The following RAD52 variants were observed in gnomAD, a reference collection of about 807,000 sequenced individuals.
RAD52 encodes the protein DNA repair protein RAD52 homolog.
RAD52 carries 47 observed loss-of-function variants against 55.5 expected under a neutral mutation model. That is an observed-to-expected ratio of 0.85 (90% CI 0.67 to 1.08). RAD52 has a LOEUF of 1.08. Ranked by LOEUF, RAD52 falls within the 50% of genes least tolerant of loss-of-function variation. The pLI is 0.00. For missense variants in RAD52, 468 were observed against 522.8 expected, an observed-to-expected ratio of 0.90 and a Z score of 1.02; for synonymous variants, 184 against 198.9, an observed-to-expected ratio of 0.92 and a Z score of 0.63.
chr12:975,755 C>CA (rs1329447551), intron 1 of RAD52: 9 of 152,214 alleles, frequency 5.9e-5, no homozygotes, highest in Non-Finnish European at 1.3e-4. Flanking sequence ...TTGAAACAAT[C>CA]AAAGTTTCAA....
chr12:975,288 C>T (rs1277953816), intron 1 of RAD52: 1 of 152,012 alleles, frequency 6.6e-6, no homozygotes, highest in African/African-American at 2.4e-5. Flanking sequence ...TAACATAAAA[C>T]TACAACTGTA....
intron 1 of RAD52, among the ~76,000 whole-genome samples, chr12:948,000 T>G (rs979465581): frequency 8.9e-6 from 1 of 112,902 alleles, no homozygotes; most frequent in African/African-American, 3.4e-5. Context: ...ACTTAAGTTT[T>G]AAATGTCTGT....
At position 913,310 on chromosome 12, in the gene RAD52, G is replaced by T; in HGVS notation, c.*81C>A. The stretch of plus-strand genomic sequence containing the variant: ...TCGCAATGACGTTCATTCTCCAGCA[G>T]CGATGAACAATTTCATGACCAAAAA... On this transcript the variant is annotated 3_prime_UTR_variant, in exon 12 of 12. Transcript: ENST00000358495. 9.7e-7 allele frequency: 1 copy of T among 1,029,564 alleles called. No homozygotes were observed. The highest frequency in any genetic ancestry group is 1.5e-6 in the Non-Finnish European group (1 of 672,846). 63.8% of individuals were successfully genotyped at this position (1,029,564 alleles called of 1,614,324 possible). A position where few individuals can be genotyped will look rare whatever the true frequency, so the allele number is the denominator to read the frequency against.
At chr12:924,713 T>G (rs1225016493) in intron 7 of RAD52, among the ~76,000 whole-genome samples, 1 of 152,142 alleles carries the variant, frequency 6.6e-6, no homozygotes, top group African/African-American at 2.4e-5. Flanking sequence ...TTATAGGTAT[T>G]GACAGAAATA....
At position 914,544 on chromosome 12, in the gene RAD52, A is replaced by G; in HGVS notation, c.866-12T>C. On this transcript the variant is annotated splice_polypyrimidine_tract_variant and intron_variant, in intron 9 of 11. Coordinates refer to ENST00000358495, the MANE Select transcript of RAD52 (RefSeq NM_134424.4). ...GGCCGGAGGCGCTGCTACGGTTCACAGAGGAGAGAAAGGACAAGTCATCAT... is the reference window on the plus strand; with the variant it reads ...GGCCGGAGGCGCTGCTACGGTTCACGGAGGAGAGAAAGGACAAGTCATCAT... The G allele has an allele frequency of 6.2e-7, 1 of 1,612,762 alleles. No homozygotes were observed. Among genetic ancestry groups the G allele is most frequent in the Non-Finnish European group, 8.5e-7 (1 of 1,179,830 alleles).
chr12:921,208 G>C (rs1956709960), intron 7 of RAD52, among the ~76,000 whole-genome samples: 1 of 149,402 alleles, frequency 6.7e-6, no homozygotes, highest in South Asian at 2.1e-4. Context: ...CAAAGAACTA[G>C]AAAAAAAAAG....
At position 927,142 on chromosome 12, in the gene RAD52, C is replaced by T; in HGVS notation, c.467+3G>A. 2 of 1,612,762 alleles carry T rather than the reference C, an allele frequency of 1.2e-6. No homozygotes were observed. The highest frequency in any genetic ancestry group is 1.7e-6 in the Non-Finnish European group (2 of 1,178,864). On this transcript the variant is annotated splice_donor_region_variant and intron_variant, in intron 6 of 11. Transcript: ENST00000358495. ...CAGGTTAGACTCCCAGCCCCGCGCTCACCTGAGGGCTCGCTTCAGCCCGTC... is the reference window on the plus strand; with the variant it reads ...CAGGTTAGACTCCCAGCCCCGCGCTTACCTGAGGGCTCGCTTCAGCCCGTC...
Position 931,242 on chromosome 12 carries a change from C to A in RAD52, c.164G>T (p.Arg55Leu). 6.2e-7 allele frequency: 1 copy of A among 1,612,276 alleles called. No individual in the cohort carries two copies. Among genetic ancestry groups the A allele is most frequent in the East Asian group, 2.2e-5 (1 of 44,782 alleles). ...TACCTTCTGGCCTCCGCCAGCCATG[C>A]GGCTACTTATGTATTCTGGGCCCAG... ...QRLGPEYISS[R>L]MAGGGQKVCY... The change falls in exon 3 of 12, where the codon CGC (arginine) becomes CTC (leucine). Residue 55 changes from arginine (R) to leucine (L), a missense_variant. Transcript: ENST00000358495.
chr12:922,159 C>T, intron 7 of RAD52, among the ~76,000 whole-genome samples: 1 of 137,726 alleles, frequency 7.3e-6, no homozygotes, highest in East Asian at 2.1e-4. Context: ...AAATCATAAC[C>T]CCAATAAAAT....
In RAD52 at chr12:935,380, C is replaced by CTT. The variant is rs34383735; in HGVS notation, c.-18-2306_-18-2305dup. On this transcript the variant is annotated intron_variant, in intron 1 of 11. Coordinates refer to ENST00000358495, the MANE Select transcript of RAD52 (RefSeq NM_134424.4). ...AGCAGCATCACCATCACCTGTGAAT[C>CTT]TTTTTTTTTTTTTTTTTTTGTAAGC... 1.3e-3 allele frequency among the ~76,000 whole-genome samples: 172 copies of CTT among 128,510 alleles called. 2 individuals are homozygous for CTT. Among genetic ancestry groups the CTT allele is most frequent in the African/African-American group, 4.6e-3 (157 of 34,358 alleles). The allele number at this position is 128,510 out of a possible 152,430, so 84.3% of individuals were successfully genotyped here.
intron 1 of RAD52, among the ~76,000 whole-genome samples, chr12:981,168 C>CAAA (rs35150113): frequency 7.7e-6 from 1 of 130,530 alleles, no homozygotes. Context: ...CCGTCTCTAC[C>CAAA]AAAAAAAAAA....
intron 5 of RAD52, among the ~76,000 whole-genome samples, chr12:927,847 T>C (rs754506832): frequency 8.6e-5 from 13 of 151,422 alleles, no homozygotes; most frequent in African/African-American, 1.5e-4. Flanking sequence ...GCCTGGGTGA[T>C]AGAGTGAGAC....
chr12:916,865 C>G (rs1317527576), intron 7 of RAD52, 45 bp from the exon 8 acceptor site: 1 of 1,572,444 alleles, frequency 6.4e-7, no homozygotes, highest in Non-Finnish European at 8.7e-7. Flanking sequence ...TGGCTCTTGC[C>G]CTCCGCTGCT....
upstream of RAD52, chr12:990,978 CCG>C (rs1959182261): frequency 6.7e-6 from 1 of 150,056 alleles, no homozygotes; most frequent in African/African-American, 2.5e-5. Context: ...CAGGGACGCT[CCG>C]CGCCCATCAC....
rs146132471 is a variant in RAD52 at position 960,730 on chromosome 12, G to A, written c.-18-27654C>T. On this transcript the variant is annotated intron_variant, in intron 1 of 11. Coordinates refer to the RAD52 transcript ENST00000430095. ...ATGCCCCCCTTCTTAGCCTCCCAAAGTGTTGGGATTATAGATGTGAGCCAC... is the reference window on the plus strand; with the variant it reads ...ATGCCCCCCTTCTTAGCCTCCCAAAATGTTGGGATTATAGATGTGAGCCAC... Among the ~76,000 whole-genome samples, 8 of 152,230 alleles carry A rather than the reference G, an allele frequency of 5.3e-5. No individual in the cohort carries two copies. The East Asian group carries it at 1.3e-3, about 26-fold the overall frequency.
intron 1 of RAD52, among the ~76,000 whole-genome samples, chr12:972,765 CAAAAAAAAAAAAA>C (rs780150903): frequency 5.2e-5 from 2 of 38,434 alleles, no homozygotes; most frequent in South Asian, 2.1e-3. Flanking sequence ...GACTCCGTCT[CAAAAAAAAAAAAA>C]AAAAAAAAAA....
intron 7 of RAD52, among the ~76,000 whole-genome samples, chr12:918,743 G>C (rs1227939802): frequency 2.0e-5 from 3 of 151,894 alleles, no homozygotes; most frequent in Admixed American, 2.0e-4. Context: ...GCTCAGAGTG[G>C]GAAGGAGGGC....
rs546515708 is a variant in RAD52, at chr12:967,149, T to C, written c.-19+22660A>G. Among the ~76,000 whole-genome samples the C allele has an allele frequency of 1.1e-3, 161 of 151,924 alleles. 1 individual carries two copies. The highest frequency in any genetic ancestry group is 3.7e-3 in the African/African-American group (155 of 41,362). The stretch of plus-strand genomic sequence containing the variant: ...ATCCCAGCACTTTGGAAGGCCGAGG[T>C]GGGCAGATCATTTAAGGTAGGGAGT... On this transcript the variant is annotated intron_variant, in intron 1 of 11. Transcript: ENST00000430095.
At chr12:936,295 CTCTT>C (rs891841367) in intron 1 of RAD52, among the ~76,000 whole-genome samples, 2 of 152,010 alleles carry the variant, frequency 1.3e-5, no homozygotes, top group Non-Finnish European at 2.9e-5. Context: ...TGGAGCAAGA[CTCTT>C]TCTCAAAAAA....
Sources: allele counts gnomAD v4.1 joint callset (sites outside exome capture counted in the v4.1 genomes callset), GRCh38; gene constraint gnomAD v4.1.1; transcripts MANE v1.5; gene names NCBI Gene and HGNC (gene_info 2026-07-23, HGNC 2026-07-21).